EP400: variants seen among roughly 807,000 people sequenced by gnomAD.
The protein encoded by EP400 is E1A binding protein p400, also known as E1A-binding protein p400.
A neutral mutation model predicts 354.1 loss-of-function variants in EP400; 105 were observed. That is an observed-to-expected ratio of 0.30 (90% CI 0.25 to 0.35). EP400 has a LOEUF of 0.35. Ranked by LOEUF, EP400 falls within the 10% of genes least tolerant of loss-of-function variation. EP400 has a pLI of 1.00. For synonymous variants in EP400, 1,646 were observed against 1,716.9 expected (o/e 0.96, Z 1.02); for missense variants, 3,280 against 4,121.0 (o/e 0.80, Z 5.59).
intron 29 of EP400, chr12:132,031,245 G>A (rs147262543): frequency 3.1e-5 from 16 of 519,102 alleles, no homozygotes; most frequent in African/African-American, 1.9e-4. Flanking sequence ...TTACTCCAGG[G>A]ACTTTTTGTT....
intron 10 of EP400, 39 bp downstream of exon 10, chr12:131,991,495 T>G: frequency 6.3e-7 from 1 of 1,594,992 alleles, no homozygotes. Flanking sequence ...TGAGAAGGAG[T>G]AGAAGCAGCT....
intron 32 of EP400, among the ~76,000 whole-genome samples, chr12:132,042,280 G>A (rs1894939224): frequency 6.6e-6 from 1 of 152,078 alleles, no homozygotes; most frequent in African/African-American, 2.4e-5. Context: ...TGACTTGTTG[G>A]AGTTCTTTAT....
Position 132,028,529 on chromosome 12 carries a change from G to A in EP400, c.5381+241G>A, listed in dbSNP as rs200758562. Among the ~76,000 whole-genome samples the A allele has an allele frequency of 8.5e-5, 13 of 152,302 alleles. No individual in the cohort carries two copies. The East Asian group carries it at 1.9e-3, about 23-fold the overall frequency. ...AGTTGGCAGCCCTGGGGGCAGAGCCGCAGCACTGAGCTCACACTGTGCTTG... is the reference window on the plus strand; with the variant it reads ...AGTTGGCAGCCCTGGGGGCAGAGCCACAGCACTGAGCTCACACTGTGCTTG... On this transcript the variant is annotated intron_variant, in intron 27 of 52. Transcript: ENST00000389561.
At chr12:131,988,885 C>T (rs1032014326) in intron 7 of EP400, among the ~76,000 whole-genome samples, 1 of 152,220 alleles carries the variant, frequency 6.6e-6, no homozygotes, top group Non-Finnish European at 1.5e-5. Context: ...AATTTTCCCC[C>T]TTGCTGTCTT....
chr12:131,950,809 A>G (rs1414198931), intron 1 of EP400, among the ~76,000 whole-genome samples: 1 of 152,230 alleles, frequency 6.6e-6, no homozygotes, highest in Non-Finnish European at 1.5e-5. Context: ...GTTGGCGTGC[A>G]GTGGCGCGAT....
chr12:132,047,560 G>A lies in EP400; in HGVS notation c.7200+1660G>A, dbSNP rs533454251. ...TTATGAGTGATTTCAAAAGGGGAGGGAGTGTATGAATAGGGTGTGGGTCAC... is the reference window on the plus strand; with the variant it reads ...TTATGAGTGATTTCAAAAGGGGAGGAAGTGTATGAATAGGGTGTGGGTCAC... On this transcript the variant is annotated intron_variant, in intron 39 of 52. Coordinates refer to ENST00000389561, the MANE Select transcript of EP400 (RefSeq NM_015409.5). Among the ~76,000 whole-genome samples, 209 of 152,312 alleles carry A rather than the reference G, an allele frequency of 1.4e-3. 1 individual carries two copies. The highest frequency in any genetic ancestry group is 0.014 in the Middle Eastern group (4 of 294).
intron 23 of EP400, among the ~76,000 whole-genome samples, chr12:132,022,900 A>G (rs1376283980): frequency 6.6e-6 from 1 of 152,140 alleles, no homozygotes; most frequent in Non-Finnish European, 1.5e-5. Context: ...TAATCCTGCT[A>G]CTGCCCTCCA....
chr12:131,986,999 T>C (rs1566174243), intron 6 of EP400, among the ~76,000 whole-genome samples, 192 bp downstream of exon 6: 1 of 152,126 alleles, frequency 6.6e-6, no homozygotes, highest in Non-Finnish European at 1.5e-5. Context: ...GCAGTCTGCG[T>C]TTTTGTGATA....
intron 5 of EP400, among the ~76,000 whole-genome samples, chr12:131,984,849 C>T (rs1168776489): frequency 6.6e-6 from 1 of 151,870 alleles, no homozygotes; most frequent in African/African-American, 2.4e-5. Context: ...CAGGCATGCG[C>T]CACCACGCCC....
Position 132,006,291 on chromosome 12 carries a change from G to A in EP400, c.3115G>A (p.Val1039Ile), listed in dbSNP as rs1376122794. 5 of 1,614,036 alleles carry A rather than the reference G, an allele frequency of 3.1e-6. No individual in the cohort carries two copies. The highest frequency in any genetic ancestry group is 4.2e-6 in the Non-Finnish European group (5 of 1,180,004). ...EAILPKGSAR[V>I]TTSVKFNAPS... ...CATCCTGCCGAAGGGCAGTGCTCGG[G>A]TCACAACCTCGGTGAGGCGCTAAGC... Residue 1039 changes from valine to isoleucine, a missense_variant, in exon 14 of 53, where the codon GTC (valine) becomes ATC (isoleucine). This residue lies in a region of EP400 where 800 missense variants were observed against 840.0 expected (regional missense o/e 0.95). Coordinates refer to ENST00000389561, the MANE Select transcript of EP400 (RefSeq NM_015409.5).
intron 1 of EP400, among the ~76,000 whole-genome samples, chr12:131,951,798 CGGAGTTTTGTTCTTGTTGCCCAGGCT>C (rs1891509962): frequency 6.7e-6 from 1 of 148,796 alleles, no homozygotes; most frequent in Admixed American, 6.7e-5. Context: ...TGTTTTGAGA[CGGAGTTTTGTTCTTGTTGCCCAGGCT>C]GGAGTGCAAT....
rs1240653116 is a variant in EP400 at position 132,027,702 on chromosome 12, G to T, written c.5109+171G>T. On this transcript the variant is annotated intron_variant, in intron 26 of 52. Coordinates refer to ENST00000389561, the MANE Select transcript of EP400 (RefSeq NM_015409.5). The surrounding 1 kb of genome is among the most constrained non-coding windows in gnomAD (Gnocchi z 4.9). Reference sequence around the variant, plus strand: ...ATAAAATAAATGAAACTGGACTTACGACTGCCACAATCTTTTTTTGTATTT... The same window carrying T: ...ATAAAATAAATGAAACTGGACTTACTACTGCCACAATCTTTTTTTGTATTT... 5.3e-5 allele frequency among the ~76,000 whole-genome samples: 8 copies of T among 152,210 alleles called. No homozygotes were observed. Among genetic ancestry groups the T allele is most frequent in the Non-Finnish European group, 7.3e-5 (5 of 68,040 alleles).
chr12:132,013,713 C>T lies in EP400; in HGVS notation c.3786+49C>T. The T allele has an allele frequency of 6.2e-7, 1 of 1,608,982 alleles. No individual in the cohort carries two copies. Among genetic ancestry groups the T allele is most frequent in the Non-Finnish European group, 8.5e-7 (1 of 1,177,098 alleles). Reference sequence around the variant, plus strand: ...GTTAATTAATTAAACATGCGTATGCCTTGTTATAAACGTGTTACAGCAGCA... The same window carrying T: ...GTTAATTAATTAAACATGCGTATGCTTTGTTATAAACGTGTTACAGCAGCA... On this transcript the variant is annotated intron_variant, in intron 18 of 52. Coordinates refer to ENST00000389561, the MANE Select transcript of EP400 (RefSeq NM_015409.5). This position sits in a 1 kb window ranked among gnomAD's most constrained non-coding sequence, Gnocchi z 4.5.
chr12:132,008,227 C>T (rs1162744640), intron 15 of EP400, among the ~76,000 whole-genome samples: 2 of 152,200 alleles, frequency 1.3e-5, no homozygotes, highest in Non-Finnish European at 2.9e-5. Flanking sequence ...GGATTACAGG[C>T]GTGAGCCACC....
In EP400 at chr12:131,961,749, A is replaced by G. The variant is rs200853343; in HGVS notation, c.1130A>G (p.Gln377Arg). 3.5e-5 allele frequency: 56 copies of G among 1,614,138 alleles called. No individual in the cohort carries two copies. Among genetic ancestry groups the G allele is most frequent in the Non-Finnish European group, 4.6e-5 (54 of 1,180,058 alleles). ...QCLDYHYQEM[Q>R]ALKEVFKEYL... ...CTGGACTATCATTACCAGGAGATGC[A>G]GGCTCTGAAGGAGGTCTTCAAGGAG... The change falls in exon 2 of 53, where the codon CAG becomes CGG. Residue 377 changes from glutamine (Q) to arginine (R), a missense_variant. Physicochemically the swap from Gln to Arg is conservative, Grantham distance 43. This residue lies in a region of EP400 where 85 missense variants were observed against 180.3 expected (regional missense o/e 0.47). Coordinates refer to ENST00000389561, the MANE Select transcript of EP400 (RefSeq NM_015409.5).
chr12:132,041,582 A>G (rs1374954949), intron 32 of EP400, among the ~76,000 whole-genome samples: 1 of 152,122 alleles, frequency 6.6e-6, no homozygotes, highest in African/African-American at 2.4e-5. Context: ...CAGCTTGTGG[A>G]CGTGATGGAG....
At position 132,006,348 on chromosome 12, in the gene EP400, GAGC is replaced by G. The variant is rs765446387; in HGVS notation, c.3126+48_3126+50del. The G allele has an allele frequency of 3.1e-6, 5 of 1,592,248 alleles. No homozygotes were observed. The African/African-American group carries it at 6.7e-5, about 21-fold the overall frequency. On this transcript the variant is annotated intron_variant, in intron 14 of 52. Coordinates refer to ENST00000389561, the MANE Select transcript of EP400 (RefSeq NM_015409.5). ...GTGTGGGATGGGCCTTTGAGAGACA[GAGC>G]ACATAGCTTAGCCATGAGAAAAGCT...
At position 131,961,291 on chromosome 12, in the gene EP400, C is replaced by T; in HGVS notation, c.672C>T (p.Ser224=). Residue 224 remains serine, a synonymous_variant, in exon 2 of 53, where the codon TCC becomes TCT. Transcript: ENST00000389561. ...TPITVRERRP[S]QPHTQSGGTI... The stretch of plus-strand genomic sequence containing the variant: ...TCACAGTCCGAGAGCGGAGACCCTC[C>T]CAGCCCCACACACAGTCAGGGGGCA... 1 of 1,371,280 alleles carries T rather than the reference C, an allele frequency of 7.3e-7. No individual in the cohort carries two copies. The highest frequency in any genetic ancestry group is 1.0e-6 in the Non-Finnish European group (1 of 983,990). 84.9% of individuals were successfully genotyped at this position (1,371,280 alleles called of 1,614,324 possible). A position where few individuals can be genotyped will look rare whatever the true frequency, so the allele number is the denominator to read the frequency against.
At chr12:131,958,935 C>T (rs1311987950) in intron 1 of EP400, among the ~76,000 whole-genome samples, 1 of 152,170 alleles carries the variant, frequency 6.6e-6, no homozygotes, top group Non-Finnish European at 1.5e-5. Context: ...TTGGAGTAAG[C>T]AAGAAGAAGC....
Sources: allele counts gnomAD v4.1 joint callset (sites outside exome capture counted in the v4.1 genomes callset), GRCh38; gene constraint gnomAD v4.1.1; regional missense constraint gnomAD v4.1.1; non-coding constraint Gnocchi (gnomAD v3.1); transcripts MANE v1.5; gene names NCBI Gene and HGNC (gene_info 2026-07-23, HGNC 2026-07-21).